Variants in PHACTR2 observed in about 807,000 individuals in gnomAD.
The protein encoded by PHACTR2 is phosphatase and actin regulator 2.
A neutral mutation model predicts 76.0 loss-of-function variants in PHACTR2; 30 were observed. The ratio of observed to expected loss-of-function variants is 0.39; its 90% CI spans 0.30 to 0.54. The LOEUF (loss-of-function observed/expected upper bound fraction) is 0.54. Among genes scored for constraint, PHACTR2 ranks in the 20% least tolerant of loss-of-function variants. The pLI is 0.61. For synonymous variants in PHACTR2, 292 were observed against 292.5 expected (o/e 1.00, Z 0.02); for missense variants, 696 against 781.1 (o/e 0.89, Z 1.30).
chr6:143,660,780 C>T (rs1317074334), intron 1 of PHACTR2, among the ~76,000 whole-genome samples: 2 of 152,060 alleles, frequency 1.3e-5, no homozygotes, highest in East Asian at 3.9e-4. Context: ...ACTTGATATC[C>T]AAGTGGCACG....
chr6:143,677,894 CTATCGCCCTCA>C, upstream of PHACTR2: 1 of 310,582 alleles, frequency 3.2e-6, no homozygotes, highest in South Asian at 5.5e-5. Flanking sequence ...CCTCCCCTCC[CTATCGCCCTCA>C]CCCCCCTTCT....
At chr6:143,628,804 C>T (rs1173256382) in intron 1 of PHACTR2, among the ~76,000 whole-genome samples, 1 of 151,436 alleles carries the variant, frequency 6.6e-6, no homozygotes, top group African/African-American at 2.4e-5. Flanking sequence ...TGGTCTTTCT[C>T]ACTTGAGCAA....
At position 143,621,870 on chromosome 6, in the gene PHACTR2, C is replaced by A. The variant is rs1328290636; in HGVS notation, c.13+13548C>A. 6.6e-6 allele frequency among the ~76,000 whole-genome samples: 1 copy of A among 152,222 alleles called. No individual in the cohort carries two copies. Among genetic ancestry groups the A allele is most frequent in the Non-Finnish European group, 1.5e-5 (1 of 68,034 alleles). ...TTGGCCCCAGGTCCCCCTGCTCTGG[C>A]TCCCTGAGTTCCTGCCTTGCTCACC... On this transcript the variant is annotated intron_variant, in intron 1 of 11. Transcript: ENST00000305766. This position sits in a 1 kb window ranked among gnomAD's most constrained non-coding sequence, Gnocchi z 4.1.
chr6:143,759,110 C>T (rs1385975424), intron 4 of PHACTR2, among the ~76,000 whole-genome samples: 3 of 152,098 alleles, frequency 2.0e-5, no homozygotes, highest in Non-Finnish European at 4.4e-5. Flanking sequence ...TCATCAGCCA[C>T]TATTAGAAAG....
intron 10 of PHACTR2, 112 bp from the exon 11 acceptor site, chr6:143,788,661 C>A: frequency 7.9e-5 from 39 of 494,458 alleles, no homozygotes; most frequent in Non-Finnish European, 7.9e-5. Context: ...TTTTTTTGAT[C>A]TGAAAGTGAC....
At chr6:143,655,578 T>C (rs998235698) in intron 1 of PHACTR2, among the ~76,000 whole-genome samples, 5 of 152,252 alleles carry the variant, frequency 3.3e-5, no homozygotes, top group Admixed American at 1.3e-4. Context: ...TTTAATACTT[T>C]CTTTGACTTC....
At chr6:143,572,574 TG>T (rs1352192943) in intron 1 of PHACTR2, among the ~76,000 whole-genome samples, 4 of 152,202 alleles carry the variant, frequency 2.6e-5, no homozygotes, top group African/African-American at 9.6e-5. Flanking sequence ...GTTTTTGAAA[TG>T]GAGAATCTCT....
intron 2 of PHACTR2, among the ~76,000 whole-genome samples, chr6:143,741,448 G>A (rs1365888538): frequency 6.6e-6 from 1 of 152,170 alleles, no homozygotes; most frequent in East Asian, 1.9e-4. Context: ...AGCCAAGATG[G>A]CCCCACTGTA....
At chr6:143,622,334 A>G (rs955874435) in intron 1 of PHACTR2, among the ~76,000 whole-genome samples, 2 of 151,318 alleles carry the variant, frequency 1.3e-5, no homozygotes, top group African/African-American at 4.9e-5. Flanking sequence ...AGCTCCCCAG[A>G]CTCTTCCTCT....
chr6:143,568,041 T>C (rs1212306315), intron 1 of PHACTR2, among the ~76,000 whole-genome samples: 3 of 152,190 alleles, frequency 2.0e-5, no homozygotes, highest in Non-Finnish European at 4.4e-5. Context: ...CTTTCTAAAT[T>C]CACCATGATA....
At chr6:143,601,758 A>G (rs1301225531) in intron 1 of PHACTR2, among the ~76,000 whole-genome samples, 1 of 152,172 alleles carries the variant, frequency 6.6e-6, no homozygotes, top group East Asian at 1.9e-4. Flanking sequence ...CTGCATTGTT[A>G]CTGTAAGAGA....
rs1018228982 is a variant in PHACTR2, at chr6:143,816,183, C to T, written c.1923-7491C>T. Among the ~76,000 whole-genome samples the T allele has an allele frequency of 6.6e-5, 10 of 151,970 alleles. No homozygotes were observed. Among genetic ancestry groups the T allele is most frequent in the Middle Eastern group, 3.2e-3 (1 of 316 alleles). ...TAGGGCACAGTAAATCTATTTATTC[C>T]TCCACCAACTTGAAGCCTAAAGCCA... On this transcript the variant is annotated intron_variant, in intron 12 of 12. Coordinates refer to ENST00000440869, the MANE Select transcript of PHACTR2 (RefSeq NM_001100164.2). The surrounding 1 kb of genome is among the most constrained non-coding windows in gnomAD (Gnocchi z 4.5).
At chr6:143,713,429 T>C (rs901917192) in intron 2 of PHACTR2, among the ~76,000 whole-genome samples, 4 of 152,204 alleles carry the variant, frequency 2.6e-5, no homozygotes, top group East Asian at 1.9e-4. Context: ...TCTCTGCTTA[T>C]AGATATTGGA....
chr6:143,738,244 A>T lies in PHACTR2; in HGVS notation c.215-10741A>T, dbSNP rs1017091117. Among the ~76,000 whole-genome samples the T allele has an allele frequency of 2.6e-5, 4 of 152,100 alleles. No homozygotes were observed. Among genetic ancestry groups the T allele is most frequent in the African/African-American group, 9.7e-5 (4 of 41,394 alleles). ...GGGGCGCCTGTAATCCCAGCTACTC[A>T]GGAGGCTGAGGCAGGAGAATCGCTT... On this transcript the variant is annotated intron_variant, in intron 2 of 12. Transcript: ENST00000440869. This position sits in a 1 kb window ranked among gnomAD's most constrained non-coding sequence, Gnocchi z 4.0.
chr6:143,787,087 C>T lies in PHACTR2; in HGVS notation c.1708-1686C>T, dbSNP rs946369559. ...GTCTTGTGATACAAATCATCTTTCT[C>T]AATCCAGCTGGGCCCCTCCATGAGG... On this transcript the variant is annotated intron_variant, in intron 10 of 12. Coordinates refer to ENST00000440869, the MANE Select transcript of PHACTR2 (RefSeq NM_001100164.2). The surrounding 1 kb of genome is among the most constrained non-coding windows in gnomAD (Gnocchi z 4.6). 6.6e-6 allele frequency among the ~76,000 whole-genome samples: 1 copy of T among 152,194 alleles called. No individual in the cohort carries two copies. The highest frequency in any genetic ancestry group is 1.5e-5 in the Non-Finnish European group (1 of 68,030).
rs970528151 is a variant in PHACTR2 at position 143,678,004 on chromosome 6, C to A, written c.-160C>A. ...ATCCGCCGCGCCGGCTGCGGCCGGCCGGGCTGGGAGACCCGCGCGGGGTAG... is the reference window on the plus strand; with the variant it reads ...ATCCGCCGCGCCGGCTGCGGCCGGCAGGGCTGGGAGACCCGCGCGGGGTAG... On this transcript the variant is annotated 5_prime_UTR_variant, in exon 1 of 13. Coordinates refer to ENST00000440869, the MANE Select transcript of PHACTR2 (RefSeq NM_001100164.2). The surrounding 1 kb of genome is among the most constrained non-coding windows in gnomAD (Gnocchi z 6.2). The A allele has an allele frequency of 6.9e-7, 1 of 1,455,730 alleles. No individual in the cohort carries two copies. The highest frequency in any genetic ancestry group is 1.5e-5 in the African/African-American group (1 of 66,834). The allele number at this position is 1,455,730 out of a possible 1,614,324, so 90.2% of individuals were successfully genotyped here.
intron 1 of PHACTR2, among the ~76,000 whole-genome samples, chr6:143,651,123 AC>A (rs1206979696): frequency 1.3e-5 from 2 of 152,188 alleles, no homozygotes; most frequent in African/African-American, 4.8e-5. Flanking sequence ...AAAAATGCAA[AC>A]CGAAACCACA....
At chr6:143,667,117 C>T (rs1228436470) in intron 1 of PHACTR2, among the ~76,000 whole-genome samples, 4 of 152,138 alleles carry the variant, frequency 2.6e-5, no homozygotes, top group Non-Finnish European at 5.9e-5. Context: ...TTTCCCAACA[C>T]CATTTATTAA....
Position 143,549,802 on chromosome 6 carries a change from T to C in PHACTR2, c.217+12595T>C, listed in dbSNP as rs1775063083. 1.3e-5 allele frequency among the ~76,000 whole-genome samples: 2 copies of C among 151,862 alleles called. No individual in the cohort carries two copies. The highest frequency in any genetic ancestry group is 4.8e-5 in the African/African-American group (2 of 41,372). ...CATGTTTGCAGGCCCTCACCTGTGT[T>C]AAAGTCATGCTTAGGAGTGGGGGTG... On this transcript the variant is annotated intron_variant, in intron 1 of 11. Coordinates refer to the PHACTR2 transcript ENST00000367584. The surrounding 1 kb of genome is among the most constrained non-coding windows in gnomAD (Gnocchi z 4.2).
Sources: allele counts gnomAD v4.1 joint callset (sites outside exome capture counted in the v4.1 genomes callset), GRCh38; gene constraint gnomAD v4.1.1; non-coding constraint Gnocchi (gnomAD v3.1); transcripts MANE v1.5; gene names NCBI Gene and HGNC (gene_info 2026-07-23, HGNC 2026-07-21).